GATAD2B: variants seen among roughly 807,000 people sequenced by gnomAD.
The protein encoded by GATAD2B is GATA zinc finger domain containing 2B, also known as transcriptional repressor p66-beta.
A neutral mutation model predicts 64.3 loss-of-function variants in GATAD2B; 8 were observed. That is an observed-to-expected ratio of 0.12 (90% CI 0.07 to 0.22). The LOEUF is 0.22. Ranked by LOEUF, GATAD2B falls within the 10% of genes least tolerant of loss-of-function variation. The pLI, the probability that GATAD2B is intolerant of heterozygous loss-of-function variation, is 1.00. For missense variants in GATAD2B, 453 were observed against 752.0 expected (o/e 0.60, Z 4.65); for synonymous variants, 281 against 271.3 (o/e 1.04, Z -0.35).
intron 1 of GATAD2B, among the ~76,000 whole-genome samples, chr1:153,913,688 G>A (rs965638739): frequency 6.6e-6 from 1 of 152,158 alleles, no homozygotes; most frequent in Non-Finnish European, 1.5e-5. Flanking sequence ...GGAGGCCAAG[G>A]CAGGCAGATC....
intron 1 of GATAD2B, among the ~76,000 whole-genome samples, chr1:153,841,408 C>G (rs1232910125): frequency 6.6e-6 from 1 of 152,132 alleles, no homozygotes; most frequent in Non-Finnish European, 1.5e-5. Context: ...AAGGAGCCCT[C>G]GTGTTAACTG....
In GATAD2B at chr1:153,810,317, C is replaced by A. The variant is rs1674249828; in HGVS notation, c.1649-7G>T. On this transcript the variant is annotated splice_region_variant and splice_polypyrimidine_tract_variant and intron_variant, in intron 10 of 10. Coordinates refer to ENST00000368655, the MANE Select transcript of GATAD2B (RefSeq NM_020699.4). ...AAGTATGCAATGTTGACACCTGGAC[C>A]CAGGAGACAAAAGTGGAGGGCAGGT... 1.9e-6 allele frequency: 3 copies of A among 1,611,266 alleles called. No individual in the cohort carries two copies. In the East Asian group the frequency reaches 6.7e-5, roughly 36 times the overall value.
intron 1 of GATAD2B, among the ~76,000 whole-genome samples, chr1:153,880,059 C>G (rs1676961522): frequency 6.6e-6 from 1 of 152,072 alleles, no homozygotes; most frequent in African/African-American, 2.4e-5. Flanking sequence ...GGGGGAGTCT[C>G]GAATGAGTAG....
chr1:153,894,245 A>C (rs1677511652), intron 1 of GATAD2B, among the ~76,000 whole-genome samples: 1 of 152,060 alleles, frequency 6.6e-6, no homozygotes, highest in African/African-American at 2.4e-5. Flanking sequence ...AGGCGGGCAG[A>C]TCACTTGAGG....
intron 1 of GATAD2B, among the ~76,000 whole-genome samples, chr1:153,829,810 GA>G (rs1557790190): frequency 6.6e-6 from 1 of 151,600 alleles, no homozygotes; most frequent in East Asian, 2.0e-4. Flanking sequence ...TAAATAAAAC[GA>G]AACAGGGGCC....
At chr1:153,909,175 A>G (rs1447272090) in intron 1 of GATAD2B, among the ~76,000 whole-genome samples, 1 of 152,114 alleles carries the variant, frequency 6.6e-6, no homozygotes, top group Non-Finnish European at 1.5e-5. Flanking sequence ...ACTGCATTCC[A>G]GCCTGGGCAA....
intron 1 of GATAD2B, among the ~76,000 whole-genome samples, chr1:153,868,830 G>A (rs1244571600): frequency 2.0e-5 from 3 of 151,418 alleles, no homozygotes; most frequent in Admixed American, 1.3e-4. Flanking sequence ...CCCCTCCTGG[G>A]TTCAAGCCAT....
intron 1 of GATAD2B, among the ~76,000 whole-genome samples, chr1:153,881,228 TCA>T (rs2101939721): frequency 6.6e-6 from 1 of 152,154 alleles, no homozygotes; most frequent in East Asian, 1.9e-4. Flanking sequence ...TTGACTCCAT[TCA>T]CAGAGCAGGG....
In GATAD2B at chr1:153,847,665, T is replaced by C. The variant is rs549623115; in HGVS notation, c.-1-19317A>G. 5.3e-5 allele frequency among the ~76,000 whole-genome samples: 8 copies of C among 152,308 alleles called. No individual in the cohort carries two copies. The East Asian group carries it at 1.5e-3, about 29-fold the overall frequency. ...CCTTGAAGATTCATATACTTAGAAA[T>C]TCTGTGAAATTTTCTGCTATTATCT... is the stretch of plus-strand genomic sequence containing the variant. On this transcript the variant is annotated intron_variant, in intron 1 of 10. Transcript: ENST00000368655.
intron 1 of GATAD2B, 115 bp from the exon 2 acceptor site, chr1:153,828,463 C>T (rs1435094422): frequency 5.9e-5 from 13 of 219,430 alleles, no homozygotes; most frequent in Middle Eastern, 1.2e-3. Context: ...CATACACACA[C>T]ACACACACAC....
At chr1:153,920,987 C>G (rs1678413014) in intron 1 of GATAD2B, among the ~76,000 whole-genome samples, 1 of 152,174 alleles carries the variant, frequency 6.6e-6, no homozygotes, top group Admixed American at 6.6e-5. Flanking sequence ...AAAAAAGCAG[C>G]ACGATCCAAC....
intron 4 of GATAD2B, 71 bp from the exon 5 acceptor site, chr1:153,818,242 T>C (rs1674551683): frequency 7.1e-7 from 1 of 1,398,648 alleles, no homozygotes; most frequent in African/African-American, 1.5e-5. Flanking sequence ...TTTCTAGACT[T>C]TAAAAATTCC....
intron 1 of GATAD2B, among the ~76,000 whole-genome samples, chr1:153,922,324 G>C: frequency 6.6e-6 from 1 of 150,862 alleles, no homozygotes; most frequent in Non-Finnish European, 1.5e-5. Context: ...AGAGAGGAAA[G>C]GAGGGGAGCA....
In GATAD2B at chr1:153,818,028, T is replaced by C; in HGVS notation, c.729+12A>G. On this transcript the variant is annotated intron_variant, in intron 5 of 10. Coordinates refer to ENST00000368655, the MANE Select transcript of GATAD2B (RefSeq NM_020699.4). ...GCCCTCCAACACTAAGATCCCACTA[T>C]GGGTCACATACCTGTAATGTTCTCA... The C allele has an allele frequency of 6.3e-7, 1 of 1,586,186 alleles. No homozygotes were observed. The highest frequency in any genetic ancestry group is 8.6e-7 in the Non-Finnish European group (1 of 1,168,046).
intron 1 of GATAD2B, among the ~76,000 whole-genome samples, chr1:153,895,723 C>G (rs1255524747): frequency 1.3e-5 from 2 of 152,124 alleles, no homozygotes; most frequent in Non-Finnish European, 2.9e-5. Context: ...TTGGGTCCTT[C>G]CTTTATCCAT....
intron 1 of GATAD2B, chr1:153,853,338 T>C (rs935742815): frequency 6.8e-6 from 5 of 734,430 alleles, no homozygotes; most frequent in South Asian, 4.5e-5. Context: ...TGGGGTCATA[T>C]GTGGAGCTCA....
chr1:153,919,903 A>T (rs1305873098), intron 1 of GATAD2B, among the ~76,000 whole-genome samples: 2 of 152,252 alleles, frequency 1.3e-5, no homozygotes. Context: ...CTGGAAAAGA[A>T]AGTCCCTCAG....
rs185223259 is a variant in GATAD2B, at chr1:153,879,537, G to T, written c.-2+43196C>A. 3.9e-5 allele frequency among the ~76,000 whole-genome samples: 6 copies of T among 152,056 alleles called. No homozygotes were observed. The East Asian group carries it at 1.2e-3, about 29-fold the overall frequency. On this transcript the variant is annotated intron_variant, in intron 1 of 10. Transcript: ENST00000368655. ...CCAGAACTATGGGAAGTCAAGACGGGCGGATTATGAGGTCAAGAGATCGAG... is the reference window on the plus strand; with the variant it reads ...CCAGAACTATGGGAAGTCAAGACGGTCGGATTATGAGGTCAAGAGATCGAG...
chr1:153,898,327 A>G (rs1333164317), intron 1 of GATAD2B, among the ~76,000 whole-genome samples: 2 of 144,928 alleles, frequency 1.4e-5, no homozygotes, highest in African/African-American at 5.6e-5. Context: ...AAAAAAAGAA[A>G]AAAAGAAAAA....
Sources: gnomAD v4.1 joint callset for allele counts (sites outside exome capture counted in the v4.1 genomes callset) on GRCh38, gnomAD v4.1.1 for gene constraint, MANE v1.5 for transcripts, NCBI Gene and HGNC (gene_info 2026-07-23, HGNC 2026-07-21) for gene names.